Variants in TECRL observed in about 807,000 individuals in gnomAD.
TECRL encodes trans-2,3-enoyl-CoA reductase-like.
TECRL carries 63 observed loss-of-function variants against 52.8 expected under a neutral mutation model. That is an observed-to-expected ratio of 1.19 (90% CI 0.97 to 1.47). The LOEUF is 1.47. Among genes scored for constraint, TECRL ranks in the 40% most tolerant of loss-of-function variants. The probability of loss-of-function intolerance (pLI) is 0.00; values close to 1 mark genes in which losing one functional copy is unlikely to be tolerated. For missense variants in TECRL, 482 were observed against 429.6 expected (o/e 1.12, Z -1.08); for synonymous variants, 164 against 141.9 (o/e 1.16, Z -1.10).
intron 2 of TECRL, among the ~76,000 whole-genome samples, chr4:64,372,855 T>A (rs1027266363): frequency 4.0e-5 from 6 of 151,720 alleles, no homozygotes; most frequent in African/African-American, 1.4e-4. Flanking sequence ...TAAAGTTTTT[T>A]AAAACCTGAC....
At chr4:64,322,513 A>G (rs1362555943) in intron 4 of TECRL, among the ~76,000 whole-genome samples, 176 bp downstream of exon 4, 1 of 150,376 alleles carries the variant, frequency 6.6e-6, no homozygotes, top group Non-Finnish European at 1.5e-5. Flanking sequence ...TGGTTTTTCT[A>G]TTGCTCCAAT....
chr4:64,402,829 C>T (rs2109785430), intron 1 of TECRL, among the ~76,000 whole-genome samples: 1 of 152,192 alleles, frequency 6.6e-6, no homozygotes, highest in African/African-American at 2.4e-5. Flanking sequence ...AAAGCAATGC[C>T]TTCCAGTGAA....
intron 1 of TECRL, among the ~76,000 whole-genome samples, chr4:64,404,355 A>G (rs935205539): frequency 2.0e-5 from 3 of 152,010 alleles, no homozygotes; most frequent in Non-Finnish European, 4.4e-5. Context: ...GAGTTCTTGC[A>G]TGCTCTTCAA....
At chr4:64,336,805 T>C (rs1278226784) in intron 2 of TECRL, among the ~76,000 whole-genome samples, 4 of 152,216 alleles carry the variant, frequency 2.6e-5, no homozygotes, top group Admixed American at 6.5e-5. Flanking sequence ...AGTTTCCATA[T>C]AGTTGAGCAG....
chr4:64,303,506 G>T (rs983376916), intron 7 of TECRL, among the ~76,000 whole-genome samples: 4 of 151,666 alleles, frequency 2.6e-5, no homozygotes, highest in Non-Finnish European at 4.4e-5. Context: ...ACTGTTATCT[G>T]TATCTATGCT....
intron 1 of TECRL, among the ~76,000 whole-genome samples, chr4:64,400,668 A>G (rs1331687527): frequency 6.6e-6 from 1 of 152,114 alleles, no homozygotes; most frequent in Non-Finnish European, 1.5e-5. Context: ...TGTCCTCTTC[A>G]TAGTGAGTGA....
At position 64,322,453 on chromosome 4, in the gene TECRL, TAAAAAAAAA is replaced by T. The variant is rs77102922; in HGVS notation, c.435+227_435+235del. Among the ~76,000 whole-genome samples, 1,360 of 114,622 alleles carry T rather than the reference TAAAAAAAAA, an allele frequency of 0.012. 21 individuals are homozygous for T. The highest frequency in any genetic ancestry group is 0.041 in the African/African-American group (1,267 of 30,934). The allele number at this position is 114,622 out of a possible 152,430, so 75.2% of individuals were successfully genotyped here. On this transcript the variant is annotated intron_variant, in intron 4 of 11. Coordinates refer to ENST00000381210, the MANE Select transcript of TECRL (RefSeq NM_001010874.5). ...TCCCAGTAATAGAGTGGGTTGACTT[TAAAAAAAAA>T]AAAAAAAAAAAAAGGAACTTATCTT...
chr4:64,361,924 ACAG>A lies in TECRL; in HGVS notation c.286+13245_286+13247del, dbSNP rs1721229976. On this transcript the variant is annotated intron_variant, in intron 2 of 11. Transcript: ENST00000381210. Reference sequence around the variant, plus strand: ...GGATAGAAAGGAGGCTCATCAAGATACAGCAGAAGGTTAAAATCCAATCCAAGA... The same window carrying A: ...GGATAGAAAGGAGGCTCATCAAGATACAGAAGGTTAAAATCCAATCCAAGA... 1.3e-5 allele frequency among the ~76,000 whole-genome samples: 2 copies of A among 152,198 alleles called. 1 individual carries two copies. Among genetic ancestry groups the A allele is most frequent in the South Asian group, 4.1e-4 (2 of 4,828 alleles).
chr4:64,330,879 A>T (rs1477078022), intron 2 of TECRL, among the ~76,000 whole-genome samples: 1 of 152,160 alleles, frequency 6.6e-6, no homozygotes, highest in Non-Finnish European at 1.5e-5. Flanking sequence ...CATCCTAAAG[A>T]TGAACATATT....
chr4:64,396,417 G>A (rs1291498836), intron 1 of TECRL, among the ~76,000 whole-genome samples: 1 of 152,040 alleles, frequency 6.6e-6, no homozygotes, highest in Non-Finnish European at 1.5e-5. Context: ...TTTCTCTAAT[G>A]ATTAGTAATG....
intron 1 of TECRL, 105 bp downstream of exon 1, chr4:64,409,013 T>C: frequency 9.8e-7 from 1 of 1,022,646 alleles, no homozygotes. Context: ...GTCAGAAATG[T>C]ATTTCAGAAC....
At chr4:64,298,660 AG>A (rs898412153) in intron 8 of TECRL, among the ~76,000 whole-genome samples, 1 of 151,232 alleles carries the variant, frequency 6.6e-6, no homozygotes, top group Non-Finnish European at 1.5e-5. Flanking sequence ...TTACATGAAA[AG>A]GGAGTTGTCT....
intron 6 of TECRL, among the ~76,000 whole-genome samples, chr4:64,307,047 C>T (rs1003739908): frequency 1.1e-4 from 16 of 152,110 alleles, no homozygotes; most frequent in Admixed American, 1.0e-3. Context: ...CCAAGCCAAC[C>T]CCTATATTTT....
chr4:64,301,702 C>T (rs992294202), intron 7 of TECRL, among the ~76,000 whole-genome samples: 2 of 151,106 alleles, frequency 1.3e-5, no homozygotes, highest in African/African-American at 4.8e-5. Context: ...CACAATTAAG[C>T]TTTGATTTAT....
intron 2 of TECRL, among the ~76,000 whole-genome samples, chr4:64,368,216 TTTGGCA>T (rs201866374): frequency 0.013 from 1,907 of 152,314 alleles, 45 homozygotes; most frequent in African/African-American, 0.043. Context: ...TCATGAATAA[TTTGGCA>T]AATTACCCTA....
chr4:64,386,766 T>TA (rs1281307038), intron 1 of TECRL, among the ~76,000 whole-genome samples: 3 of 152,200 alleles, frequency 2.0e-5, no homozygotes, highest in Admixed American at 1.3e-4. Flanking sequence ...CGTTATTTTA[T>TA]AATAGGCTTC....
chr4:64,396,212 G>A (rs1029347849), intron 1 of TECRL, among the ~76,000 whole-genome samples: 1 of 152,204 alleles, frequency 6.6e-6, no homozygotes, highest in East Asian at 1.9e-4. Context: ...GGGCTGAATG[G>A]TAGTTCTGCT....
intron 2 of TECRL, among the ~76,000 whole-genome samples, chr4:64,334,289 T>G (rs1458000174): frequency 6.6e-6 from 1 of 152,014 alleles, no homozygotes; most frequent in Non-Finnish European, 1.5e-5. Flanking sequence ...TTTATTTTGT[T>G]AAAAAAGATT....
intron 1 of TECRL, among the ~76,000 whole-genome samples, chr4:64,379,620 C>T (rs539988294): frequency 6.6e-6 from 1 of 152,156 alleles, no homozygotes; most frequent in South Asian, 2.1e-4. Context: ...TTAACTAACC[C>T]CTCTTCATTC....
Sources: gnomAD v4.1 joint callset for allele counts (sites outside exome capture counted in the v4.1 genomes callset) on GRCh38, gnomAD v4.1.1 for gene constraint, MANE v1.5 for transcripts, NCBI Gene and HGNC (gene_info 2026-07-23, HGNC 2026-07-21) for gene names.